TMED10: variants seen among roughly 807,000 people sequenced by gnomAD.
The protein encoded by TMED10 is transmembrane emp24 domain-containing protein 10.
Under a neutral mutation model 23.1 loss-of-function variants are expected in TMED10, and 7 were observed. The ratio of observed to expected loss-of-function variants is 0.30; its 90% CI spans 0.17 to 0.57. TMED10 has a LOEUF of 0.57. Among genes scored for constraint, TMED10 ranks in the 20% least tolerant of loss-of-function variants. TMED10 has a pLI of 0.91. For synonymous variants in TMED10, 113 were observed against 106.9 expected, an observed-to-expected ratio of 1.06 and a Z score of -0.35; for missense variants, 162 against 274.8, an observed-to-expected ratio of 0.59 and a Z score of 2.90.
intron 1 of TMED10, among the ~76,000 whole-genome samples, chr14:75,165,286 G>C (rs1411262608): frequency 6.6e-6 from 1 of 152,028 alleles, no homozygotes; most frequent in Non-Finnish European, 1.5e-5. Context: ...GGAGTGCAGT[G>C]GCATGATCTT....
chr14:75,144,391 C>T (rs1383884824), intron 3 of TMED10, among the ~76,000 whole-genome samples: 2 of 152,132 alleles, frequency 1.3e-5, no homozygotes, highest in African/African-American at 2.4e-5. Flanking sequence ...GCTTTATTTC[C>T]GAGGACAAAG....
chr14:75,145,380 C>A (rs12588240), intron 3 of TMED10, among the ~76,000 whole-genome samples: 71,022 of 152,020 alleles, frequency 0.47, 17,521 homozygotes, highest in East Asian at 0.84. Flanking sequence ...AAATGCTATA[C>A]GACAGCTGTG....
At chr14:75,140,351 G>A (rs563169576) in intron 3 of TMED10, among the ~76,000 whole-genome samples, 4 of 151,014 alleles carry the variant, frequency 2.6e-5, no homozygotes, top group Admixed American at 1.3e-4. Flanking sequence ...CGCCCTCCTC[G>A]GCCTCCCAAA....
intron 1 of TMED10, among the ~76,000 whole-genome samples, chr14:75,157,947 A>G (rs1176201841): frequency 6.6e-6 from 1 of 152,140 alleles, no homozygotes; most frequent in African/African-American, 2.4e-5. Flanking sequence ...TCTCAAAAAA[A>G]AAAAGAAGTA....
intron 1 of TMED10, among the ~76,000 whole-genome samples, chr14:75,160,919 G>A (rs1056942962): frequency 4.6e-5 from 7 of 152,158 alleles, no homozygotes; most frequent in South Asian, 2.1e-4. Flanking sequence ...TGGCAGGCGC[G>A]TGTAATCCCA....
intron 1 of TMED10, among the ~76,000 whole-genome samples, chr14:75,162,025 G>A (rs757302928): frequency 5.9e-5 from 9 of 152,072 alleles, no homozygotes; most frequent in Non-Finnish European, 1.2e-4. Context: ...AGAGGTCCGG[G>A]GCGGGGTGGG....
intron 1 of TMED10, among the ~76,000 whole-genome samples, chr14:75,164,750 T>C (rs1363741511): frequency 7.1e-6 from 1 of 141,816 alleles, no homozygotes; most frequent in Non-Finnish European, 1.5e-5. Flanking sequence ...AACCTAAGAG[T>C]ACTAATGGAT....
At chr14:75,141,046 A>G (rs1955319231) in intron 3 of TMED10, among the ~76,000 whole-genome samples, 1 of 152,232 alleles carries the variant, frequency 6.6e-6, no homozygotes, top group Non-Finnish European at 1.5e-5. Context: ...TGTGCAAGGT[A>G]CCAAGGTAAG....
rs115114515 is a variant in TMED10 at position 75,175,190 on chromosome 14, T to C, written c.225+1165A>G. Among the ~76,000 whole-genome samples the C allele has an allele frequency of 9.9e-3, 1,505 of 152,024 alleles. 20 individuals carry two copies. The highest frequency in any genetic ancestry group is 0.032 in the African/African-American group (1,319 of 41,414). On this transcript the variant is annotated intron_variant, in intron 1 of 4. Transcript: ENST00000303575. ...AACCAAATACTGACAGATATCAAAT[T>C]ATATTAATGTCTCAAAGACCAGGCC...
At chr14:75,157,936 A>G (rs1415779519) in intron 1 of TMED10, among the ~76,000 whole-genome samples, 1 of 151,874 alleles carries the variant, frequency 6.6e-6, no homozygotes, top group Non-Finnish European at 1.5e-5. Flanking sequence ...GCAAAACTCC[A>G]TCTCAAAAAA....
intron 1 of TMED10, among the ~76,000 whole-genome samples, chr14:75,153,559 A>G (rs951552747): frequency 1.3e-5 from 2 of 152,218 alleles, no homozygotes; most frequent in African/African-American, 4.8e-5. Flanking sequence ...AGCATATTTC[A>G]TCACTTAAGA....
At chr14:75,137,063 T>G (rs1302626769) in intron 3 of TMED10, 1 of 150,228 alleles carries the variant, frequency 6.7e-6, no homozygotes, top group Non-Finnish European at 1.5e-5. Flanking sequence ...CAGGCTAGAG[T>G]GCAGTGGTGT....
intron 3 of TMED10, chr14:75,136,664 A>G (rs1192633832): frequency 1.3e-5 from 2 of 152,214 alleles, no homozygotes; most frequent in African/African-American, 4.8e-5. Context: ...AAAATACACA[A>G]TTAGAGAATT....
chr14:75,151,689 A>G (rs1252580348), intron 2 of TMED10, among the ~76,000 whole-genome samples: 1 of 152,206 alleles, frequency 6.6e-6, no homozygotes, highest in Non-Finnish European at 1.5e-5. Context: ...ACCTACATGG[A>G]CACATCACTA....
chr14:75,138,073 CT>C (rs1328694659), intron 3 of TMED10, among the ~76,000 whole-genome samples: 1 of 152,134 alleles, frequency 6.6e-6, no homozygotes, highest in Non-Finnish European at 1.5e-5. Flanking sequence ...CTATGGCCCA[CT>C]TTTTTTTCTC....
intron 3 of TMED10, chr14:75,139,192 C>T: frequency 2.2e-6 from 1 of 447,050 alleles, no homozygotes; most frequent in Admixed American, 2.4e-5. Flanking sequence ...TAAATGTACA[C>T]AGAAAAATAT....
At chr14:75,135,937 A>G (rs1277017140) in intron 3 of TMED10, 51 bp from the exon 4 acceptor site, 1 of 1,594,650 alleles carries the variant, frequency 6.3e-7, no homozygotes, top group Non-Finnish European at 8.5e-7. Context: ...GCTTCAGTCA[A>G]GAACATAAAG....
intron 1 of TMED10, 86 bp downstream of exon 1, chr14:75,176,269 C>T: frequency 2.0e-6 from 3 of 1,537,966 alleles, no homozygotes; most frequent in Non-Finnish European, 1.8e-6. Flanking sequence ...CCCAGGCCTC[C>T]GCCGGCCCGA....
intron 3 of TMED10, among the ~76,000 whole-genome samples, chr14:75,142,178 G>A (rs1428884350): frequency 6.6e-6 from 1 of 152,168 alleles, no homozygotes; most frequent in Non-Finnish European, 1.5e-5. Context: ...AAGACAATGT[G>A]CACCACAGGT....
Sources: allele counts gnomAD v4.1 joint callset (sites outside exome capture counted in the v4.1 genomes callset), GRCh38; gene constraint gnomAD v4.1.1; transcripts MANE v1.5; gene names NCBI Gene and HGNC (gene_info 2026-07-23, HGNC 2026-07-21).